The following CACTIN variants were observed in gnomAD, a reference collection of about 807,000 sequenced individuals.
The protein encoded by CACTIN is cactin, spliceosome C complex subunit, also known as splicing factor Cactin.
Under a neutral mutation model 84.9 loss-of-function variants are expected in CACTIN, and 20 were observed. The observed-to-expected ratio is 0.24, with a 90% CI of 0.17 to 0.34. The LOEUF is 0.34. Ranked by LOEUF, CACTIN falls within the 10% of genes least tolerant of loss-of-function variation. The probability of loss-of-function intolerance (pLI) is 1.00; values close to 1 mark genes in which losing one functional copy is unlikely to be tolerated. For synonymous variants in CACTIN, 549 were observed against 467.9 expected (o/e 1.17, Z -2.24); for missense variants, 897 against 1,117.2 (o/e 0.80, Z 2.81).
At chr19:3,614,730 TC>T in intron 6 of CACTIN, 141 bp from the exon 7 acceptor site, 1 of 686,976 alleles carries the variant, frequency 1.5e-6, no homozygotes, top group Non-Finnish European at 2.5e-6. Flanking sequence ...TCCCGCCACC[TC>T]CCTGGTCTCA....
At chr19:3,614,697 TCC>T in intron 6 of CACTIN, 108 bp from the exon 7 acceptor site, 1 of 850,728 alleles carries the variant, frequency 1.2e-6, no homozygotes, top group Non-Finnish European at 1.9e-6. Context: ...CCCCTCCTCT[TCC>T]CCCACAGGGG....
Position 3,613,145 on chromosome 19 carries a change from G to GCGC in CACTIN, c.1696_1698dup (p.Ala566dup), listed in dbSNP as rs1400435631. ...ACGTGCGCGTCCAGTGGCAGCTCGT[G>GCGC]CGCCGTGAGCAGCCGCGGGCTGTAC... On this transcript the variant is annotated inframe_insertion, in exon 9 of 10. Coordinates refer to ENST00000429344, the MANE Select transcript of CACTIN (RefSeq NM_001080543.2). 2 of 1,608,452 alleles carry GCGC rather than the reference G, an allele frequency of 1.2e-6. No homozygotes were observed. The highest frequency in any genetic ancestry group is 1.3e-5 in the African/African-American group (1 of 74,882).
At chr19:3,614,704 C>T in intron 6 of CACTIN, 115 bp from the exon 7 acceptor site, 1 of 804,958 alleles carries the variant, frequency 1.2e-6, no homozygotes, top group Non-Finnish European at 2.0e-6. Flanking sequence ...TCTTCCCCCA[C>T]AGGGGTCCCA....
chr19:3,613,402 C>G (rs2240504), intron 8 of CACTIN, 37 bp from the exon 9 acceptor site: 839,675 of 1,534,956 alleles, frequency 0.55, 233,579 homozygotes, highest in Admixed American at 0.63. Context: ...GGAGGCTGCC[C>G]ACGGCCCCTC....
Position 3,620,279 on chromosome 19 carries a change from G to T in CACTIN, c.739-7C>A. 6.4e-7 allele frequency: 1 copy of T among 1,558,408 alleles called. No homozygotes were observed. Among genetic ancestry groups the T allele is most frequent in the Non-Finnish European group, 8.6e-7 (1 of 1,157,684 alleles). On this transcript the variant is annotated splice_region_variant and splice_polypyrimidine_tract_variant and intron_variant, in intron 3 of 9. Coordinates refer to ENST00000429344, the MANE Select transcript of CACTIN (RefSeq NM_001080543.2). ...CCAGCCGCAGCTGCTTCACCTGCAG[G>T]CACAGGAGGCTGAGGGCAGCGGGGA...
chr19:3,622,501 G>A (rs531264705), intron 2 of CACTIN, among the ~76,000 whole-genome samples: 2 of 152,294 alleles, frequency 1.3e-5, no homozygotes, highest in African/African-American at 4.8e-5. Context: ...ACACAGAGCA[G>A]AAGGCCGTAT....
At chr19:3,616,667 AAAT>A (rs1014364033) in intron 6 of CACTIN, 2 of 152,172 alleles carry the variant, frequency 1.3e-5, no homozygotes, top group Admixed American at 1.3e-4. Flanking sequence ...TAACCTACAG[AAAT>A]AATAAAAAAA....
At chr19:3,620,996 C>A (rs1325671451) in intron 2 of CACTIN, 194 bp from the exon 3 acceptor site, 1 of 692,526 alleles carries the variant, frequency 1.4e-6, no homozygotes, top group Admixed American at 2.0e-5. Flanking sequence ...CATGGAGCCC[C>A]CACTGGGAGT....
rs530625834 is a variant in CACTIN at position 3,623,484 on chromosome 19, A to G, written c.642+204T>C. Among the ~76,000 whole-genome samples, 16 of 151,394 alleles carry G rather than the reference A, an allele frequency of 1.1e-4. 1 individual carries two copies. The highest frequency in any genetic ancestry group is 7.4e-5 in the Non-Finnish European group (5 of 67,822). Reference sequence around the variant, plus strand: ...GTGGAGCTTGCAGTGAGCCGAGATCACACCACTTCACTCCAGCCTGGGCGA... The same window carrying G: ...GTGGAGCTTGCAGTGAGCCGAGATCGCACCACTTCACTCCAGCCTGGGCGA... On this transcript the variant is annotated intron_variant, in intron 2 of 9. Transcript: ENST00000429344.
At position 3,626,717 on chromosome 19, in the gene CACTIN, C is replaced by G; in HGVS notation, c.46G>C (p.Gly16Arg). The change falls in exon 1 of 10, where the codon GGC becomes CGC. Residue 16 changes from glycine (G) to arginine (R), a missense_variant. By Grantham distance (125) the Gly-to-Arg change is moderately radical. Coordinates refer to ENST00000429344, the MANE Select transcript of CACTIN (RefSeq NM_001080543.2). Reference sequence around the variant, plus strand: ...CCGCTCTGACTCTGCCGCCTTCGGCCCCGGCGACCCGCGGACCGCGAGCGC... The same window carrying G: ...CCGCTCTGACTCTGCCGCCTTCGGCGCCGGCGACCCGCGGACCGCGAGCGC... The part of the protein sequence containing the change: ...RSRSRSAGRR[G>R]RRRQSQSGSR... 6.7e-7 allele frequency: 1 copy of G among 1,497,644 alleles called. No homozygotes were observed. The highest frequency in any genetic ancestry group is 8.8e-7 in the Non-Finnish European group (1 of 1,130,116). The allele number at this position is 1,497,644 out of a possible 1,614,324, so 92.8% of individuals were successfully genotyped here.
At position 3,626,694 on chromosome 19, in the gene CACTIN, G is replaced by A. The variant is rs2033344751; in HGVS notation, c.69C>T (p.Ser23=). The change falls in exon 1 of 10, where the codon AGC becomes AGT. Residue 23 remains serine (S), a synonymous_variant. Coordinates refer to ENST00000429344, the MANE Select transcript of CACTIN (RefSeq NM_001080543.2). The part of the protein sequence containing the change: ...GRRGRRRQSQ[S]GSRSRSRSHG... ...GGCTCCTGCTCCGACTTCGGCTCCC[G>A]CTCTGACTCTGCCGCCTTCGGCCCC... The A allele has an allele frequency of 3.3e-6, 5 of 1,514,402 alleles. No homozygotes were observed. Among genetic ancestry groups the A allele is most frequent in the East Asian group, 2.7e-5 (1 of 36,848 alleles). The allele number at this position is 1,514,402 out of a possible 1,614,324, so 93.8% of individuals were successfully genotyped here.
chr19:3,611,565 T>G lies in CACTIN; in HGVS notation c.*358A>C. The G allele has an allele frequency of 2.7e-6, 1 of 376,236 alleles. No homozygotes were observed. The highest frequency in any genetic ancestry group is 6.7e-5 in the East Asian group (1 of 14,876). The allele number at this position is 376,236 out of a possible 1,614,324, so 23.3% of individuals were successfully genotyped here. On this transcript the variant is annotated 3_prime_UTR_variant, in exon 10 of 10. Coordinates refer to ENST00000429344, the MANE Select transcript of CACTIN (RefSeq NM_001080543.2). ...TGTGGCCGCCACTTGGGGCAGGCCC[T>G]GTGGGCCCCACCCAGCCTGGCTGAG...
rs1373772586 is a variant in CACTIN at position 3,615,313 on chromosome 19, C to G, written c.1163-724G>C. On this transcript the variant is annotated intron_variant, in intron 6 of 9. Coordinates refer to ENST00000429344, the MANE Select transcript of CACTIN (RefSeq NM_001080543.2). The surrounding 1 kb of genome is among the most constrained non-coding windows in gnomAD (Gnocchi z 5.2). ...GCTGGGAGGCTGGAGCCTAGCCTGA[C>G]TCCGCGTGCTCTGCCCCACACCACG... The G allele has an allele frequency of 1.3e-5, 2 of 155,066 alleles. No individual in the cohort carries two copies. The highest frequency in any genetic ancestry group is 2.9e-5 in the Non-Finnish European group (2 of 69,986). 9.6% of individuals were successfully genotyped at this position (155,066 alleles called of 1,614,324 possible).
In CACTIN at chr19:3,612,069, G is replaced by T. The variant is rs1479674951; in HGVS notation, c.2131C>A (p.His711Asn). The T allele has an allele frequency of 6.2e-7, 1 of 1,613,902 alleles. No individual in the cohort carries two copies. The highest frequency in any genetic ancestry group is 8.5e-7 in the Non-Finnish European group (1 of 1,179,908). ...ATGTCCTCGTAGGGCGGCCCCGCGTGGAAGCGCAGGATGGCGAAATCCTTG... is the reference window on the plus strand; with the variant it reads ...ATGTCCTCGTAGGGCGGCCCCGCGTTGAAGCGCAGGATGGCGAAATCCTTG... ...DNKDFAILRF[H>N]AGPPYEDIAF... Residue 711 changes from histidine (H) to asparagine (N), a missense_variant, in exon 10 of 10, where the codon CAC (histidine) becomes AAC (asparagine). This residue lies in a region of CACTIN where 50 missense variants were observed against 51.6 expected (regional missense o/e 0.97). Coordinates refer to ENST00000429344, the MANE Select transcript of CACTIN (RefSeq NM_001080543.2).
chr19:3,613,509 G>C lies in CACTIN; in HGVS notation c.1433C>G (p.Pro478Arg), dbSNP rs376878075. ...LKQEQGVESE[P>R]LFPILKQEPQ... ...CTCCTGCTTGAGGATGGGGAACAGCGGCTCGCTCTCCACGCCCTGCTCCTG... is the reference window on the plus strand; with the variant it reads ...CTCCTGCTTGAGGATGGGGAACAGCCGCTCGCTCTCCACGCCCTGCTCCTG... The change falls in exon 8 of 10, where the codon CCG becomes CGG. Residue 478 changes from proline (P) to arginine (R), a missense_variant. Pro to Arg is a moderately radical substitution (Grantham distance 103). This residue lies in a region of CACTIN where 243 missense variants were observed against 239.9 expected (regional missense o/e 1.01). Coordinates refer to ENST00000429344, the MANE Select transcript of CACTIN (RefSeq NM_001080543.2). 1 of 1,586,046 alleles carries C rather than the reference G, an allele frequency of 6.3e-7. No individual in the cohort carries two copies. The highest frequency in any genetic ancestry group is 1.3e-5 in the African/African-American group (1 of 74,516).
Position 3,612,404 on chromosome 19 carries a change from C to T in CACTIN, c.1796G>A (p.Ser599Asn), listed in dbSNP as rs1305875293. The T allele has an allele frequency of 2.5e-6, 4 of 1,592,166 alleles. No homozygotes were observed. Among genetic ancestry groups the T allele is most frequent in the Non-Finnish European group, 3.4e-6 (4 of 1,172,998 alleles). The change falls in exon 10 of 10, where the codon AGC becomes AAC. Residue 599 changes from serine to asparagine, a missense_variant. Ser to Asn is a conservative substitution (Grantham distance 46). Transcript: ENST00000429344. The part of the protein sequence containing the change: ...RQQLQVTGDA[S>N]ESAEDIFFRR... ...GAAGAAGATGTCCTCGGCGCTCTCG[C>T]TGGCGTCTCCTGCGGGCGGGACGGC...
At position 3,621,642 on chromosome 19, in the gene CACTIN, CCAGCACACCGCAGGTGCA is replaced by C. The variant is rs1167817122; in HGVS notation, c.643-858_643-841del. On this transcript the variant is annotated intron_variant, in intron 2 of 9. Coordinates refer to ENST00000429344, the MANE Select transcript of CACTIN (RefSeq NM_001080543.2). ...GCCCGCCCAGAGCTCACGGTGGTGC[CCAGCACACCGCAGGTGCA>C]CAGCACATGGTGGCGATGAAGTGCC... Among the ~76,000 whole-genome samples, 3 of 152,234 alleles carry C rather than the reference CCAGCACACCGCAGGTGCA, an allele frequency of 2.0e-5. No individual in the cohort carries two copies. In the East Asian group the frequency reaches 5.8e-4, roughly 29 times the overall value.
chr19:3,617,659 T>G (rs530976438), intron 6 of CACTIN, among the ~76,000 whole-genome samples: 3 of 152,340 alleles, frequency 2.0e-5, no homozygotes, highest in African/African-American at 7.2e-5. Context: ...AGGGCAACGC[T>G]GGAAACGCCT....
Position 3,619,242 on chromosome 19 carries a change from A to G in CACTIN, c.885T>C (p.Arg295=), listed in dbSNP as rs2033171561. ...DNFHLQQAKL[R]SKIRIRDGRA... ...GCCCGTCCCGGATGCGGATCTTGGA[A>G]CTGTGGGGAGCAGGGGAAGGTGGCA... is the stretch of plus-strand genomic sequence containing the variant. The change falls in exon 5 of 10, where the codon CGT becomes CGC. Residue 295 remains arginine (R), a splice_region_variant and synonymous_variant. Coordinates refer to ENST00000429344, the MANE Select transcript of CACTIN (RefSeq NM_001080543.2). 6.2e-7 allele frequency: 1 copy of G among 1,612,522 alleles called. No individual in the cohort carries two copies. The highest frequency in any genetic ancestry group is 8.5e-7 in the Non-Finnish European group (1 of 1,179,534).
Sources: gnomAD v4.1 joint callset for allele counts (sites outside exome capture counted in the v4.1 genomes callset) on GRCh38, gnomAD v4.1.1 for gene constraint, gnomAD v4.1.1 regional missense constraint, Gnocchi (gnomAD v3.1) non-coding constraint, MANE v1.5 for transcripts, NCBI Gene and HGNC (gene_info 2026-07-23, HGNC 2026-07-21) for gene names.